Variants in GEMIN4 observed in about 807,000 individuals in gnomAD.
The protein encoded by GEMIN4 is gem nuclear organelle associated protein 4.
Under a neutral mutation model 76.8 loss-of-function variants are expected in GEMIN4, and 59 were observed. The observed-to-expected ratio is 0.77, with a 90% CI of 0.62 to 0.95. The LOEUF (loss-of-function observed/expected upper bound fraction) is 0.95, where lower values mean the gene tolerates loss of function less well. GEMIN4 is among the 40% of genes least tolerant of loss of function. The probability of loss-of-function intolerance (pLI) is 0.00; values close to 1 mark genes in which losing one functional copy is unlikely to be tolerated. For missense variants in GEMIN4, 1,311 were observed against 1,318.9 expected, an observed-to-expected ratio of 0.99 and a Z score of 0.09; for synonymous variants, 562 against 559.7, an observed-to-expected ratio of 1.00 and a Z score of -0.06.
At chr17:754,175 A>G (rs992542091), upstream of GEMIN4, 1 of 152,184 alleles carries the variant, frequency 6.6e-6, no homozygotes, top group African/African-American at 2.4e-5. Flanking sequence ...CAATATGCAT[A>G]TGGATGTCTA....
chr17:750,931 G>C (rs1193582384), intron 1 of GEMIN4, among the ~76,000 whole-genome samples: 1 of 152,158 alleles, frequency 6.6e-6, no homozygotes, highest in Non-Finnish European at 1.5e-5. Context: ...CTCTCCCAGG[G>C]TCCCAAAATA....
Position 745,776 on chromosome 17 carries a change from A to C in GEMIN4, c.2267T>G (p.Leu756Arg), listed in dbSNP as rs1237058103. The C allele has an allele frequency of 8.7e-6, 14 of 1,611,854 alleles. No homozygotes were observed. Among genetic ancestry groups the C allele is most frequent in the Non-Finnish European group, 1.2e-5 (14 of 1,179,168 alleles). ...TTCTAACTTGCGGTGGAGCCAGGAC[A>C]GGGACTTGATCCAGACATCCGGGGA... ...TFSPDVWIKS[L>R]SWLHRKLEQL... is the part of the protein sequence containing the mutation. Residue 756 changes from leucine to arginine, a missense_variant, in exon 2 of 2, where the codon CTG becomes CGG. Transcript: ENST00000319004. The surrounding 1 kb of genome is among the most constrained non-coding windows in gnomAD (Gnocchi z 4.6).
chr17:747,403 G>GT lies in GEMIN4; in HGVS notation c.639_640insA (p.Pro214ThrfsTer32). ...CCGCGGAGCAGCATGGCCAACAGGGGCATGGTGGGGCACGCGTCTGGGTCT... is the reference window on the plus strand; with the variant it reads ...CCGCGGAGCAGCATGGCCAACAGGGGTCATGGTGGGGCACGCGTCTGGGTCT... On this transcript the variant is annotated frameshift_variant, in exon 2 of 2. Coordinates refer to ENST00000319004, the MANE Select transcript of GEMIN4 (RefSeq NM_015721.3). LOFTEE classifies it high-confidence loss of function. 6.2e-7 allele frequency: 1 copy of GT among 1,613,860 alleles called. No individual in the cohort carries two copies. The highest frequency in any genetic ancestry group is 8.5e-7 in the Non-Finnish European group (1 of 1,179,882).
At position 746,906 on chromosome 17, in the gene GEMIN4, C is replaced by T; in HGVS notation, c.1137G>A (p.Leu379=). 6.2e-7 allele frequency: 1 copy of T among 1,613,754 alleles called. No individual in the cohort carries two copies. The highest frequency in any genetic ancestry group is 8.5e-7 in the Non-Finnish European group (1 of 1,179,794). The change falls in exon 2 of 2, where the codon CTG becomes CTA. Residue 379 remains leucine, a synonymous_variant. Transcript: ENST00000319004. The surrounding 1 kb of genome is among the most constrained non-coding windows in gnomAD (Gnocchi z 4.3). ...TCAGGAAGTCCCTGACACACTCCGC[C>T]AGCTCAGAGACCACCTGCCTGTCCT... ...SKEDRQVVSE[L]AECVRDFLRK... is the part of the protein sequence containing the mutation.
At chr17:753,214 CGAA>C (rs1209598378), upstream of GEMIN4, 2 of 58,710 alleles carry the variant, frequency 3.4e-5, no homozygotes, top group Non-Finnish European at 6.9e-5. Context: ...GAGGAGCTGA[CGAA>C]GAAGGAAGTG....
In GEMIN4 at chr17:747,956, C is replaced by T. The variant is rs745934174; in HGVS notation, c.87G>A (p.Lys29=). ...FLLAEQLFHP[K]ALAELTKSDW... is the part of the protein sequence containing the mutation. ...CAGACTTTGTTAATTCTGCCAGTGC[C>T]TTAGGGTGGAACAGCTGCTCGGCCA... The change falls in exon 2 of 2, where the codon AAG becomes AAA. Residue 29 remains lysine, a synonymous_variant. Coordinates refer to ENST00000319004, the MANE Select transcript of GEMIN4 (RefSeq NM_015721.3). The T allele has an allele frequency of 4.3e-5, 69 of 1,613,242 alleles. No individual in the cohort carries two copies. Among genetic ancestry groups the T allele is most frequent in the Non-Finnish European group, 5.8e-5 (68 of 1,179,736 alleles).
At chr17:748,836 C>A (rs760198121) in intron 1 of GEMIN4, 384 of 131,902 alleles carry the variant, frequency 2.9e-3, no homozygotes, top group East Asian at 7.3e-3. Context: ...ATGGGCACAG[C>A]AGCAATCACA....
In GEMIN4 at chr17:747,918, A is replaced by T; in HGVS notation, c.125T>A (p.Val42Asp). Residue 42 changes from valine to aspartate, a missense_variant, in exon 2 of 2, where the codon GTT (valine) becomes GAT (aspartate). Around this residue, in one of 2 missense-constraint regions of GEMIN4, gnomAD observed 103 missense variants for 152.0 expected, o/e 0.68. Coordinates refer to ENST00000319004, the MANE Select transcript of GEMIN4 (RefSeq NM_015721.3). ...AELTKSDWER[V>D]GRPIVEALRE... ...TAAGGCCTCCACGATGGGCCGTCCA[A>T]CACGTTCCCAGTCAGACTTTGTTAA... 1 of 1,613,924 alleles carries T rather than the reference A, an allele frequency of 6.2e-7. No individual in the cohort carries two copies.
chr17:746,208 C>T lies in GEMIN4; in HGVS notation c.1835G>A (p.Trp612Ter). Residue 612 changes from tryptophan (W) to a stop codon, truncating the protein, a stop_gained, in exon 2 of 2, where the codon TGG becomes TAG. Coordinates refer to ENST00000319004, the MANE Select transcript of GEMIN4 (RefSeq NM_015721.3). LOFTEE classifies it high-confidence loss of function. This position sits in a 1 kb window ranked among gnomAD's most constrained non-coding sequence, Gnocchi z 4.3. ...TTCCTTGGGTGTAGAGAACTTCATC[C>T]AGACGGTTTCTTTGAGGCATGACAC... ...FMVSCLKETVWMKFSTPKEEK... is the reference protein window; with the variant it reads ...FMVSCLKETV 1 of 1,613,820 alleles carries T rather than the reference C, an allele frequency of 6.2e-7. No individual in the cohort carries two copies. The highest frequency in any genetic ancestry group is 8.5e-7 in the Non-Finnish European group (1 of 1,179,888).
In GEMIN4 at chr17:746,371, C is replaced by G; in HGVS notation, c.1672G>C (p.Glu558Gln). The change falls in exon 2 of 2, where the codon GAA (glutamate) becomes CAA (glutamine). Residue 558 changes from glutamate to glutamine, a missense_variant. By Grantham distance (29) the Glu-to-Gln change is conservative. Transcript: ENST00000319004. This position sits in a 1 kb window ranked among gnomAD's most constrained non-coding sequence, Gnocchi z 4.3. ...CTGCACATTTTCTTCACCGTGACTTCCGGGTGCACTATGACCAGGCGGGCC... is the reference window on the plus strand; with the variant it reads ...CTGCACATTTTCTTCACCGTGACTTGCGGGTGCACTATGACCAGGCGGGCC... ...SVARLVIVHP[E>Q]VTVKKMCSLA... 6.2e-7 allele frequency: 1 copy of G among 1,613,854 alleles called. No individual in the cohort carries two copies. Among genetic ancestry groups the G allele is most frequent in the Non-Finnish European group, 8.5e-7 (1 of 1,179,896 alleles).
Position 747,510 on chromosome 17 carries a change from A to G in GEMIN4, c.533T>C (p.Leu178Pro), listed in dbSNP as rs1567779622. The G allele has an allele frequency of 2.5e-6, 4 of 1,613,650 alleles. No homozygotes were observed. Among genetic ancestry groups the G allele is most frequent in the Non-Finnish European group, 3.4e-6 (4 of 1,179,856 alleles). The change falls in exon 2 of 2, where the codon CTG (leucine) becomes CCG (proline). Residue 178 changes from leucine to proline, a missense_variant. This residue lies in a region of GEMIN4 where 1,208 missense variants were observed against 1,166.9 expected (regional missense o/e 1.04). Coordinates refer to ENST00000319004, the MANE Select transcript of GEMIN4 (RefSeq NM_015721.3). ...GGCCATTGCACTAAACTGGGAGAGCAGGGGGTCCTGCGGGTGACCCTTGTG... is the reference window on the plus strand; with the variant it reads ...GGCCATTGCACTAAACTGGGAGAGCGGGGGGTCCTGCGGGTGACCCTTGTG... ...MKHKGHPQDP[L>P]LSQFSAMAHK...
chr17:751,294 G>T (rs936520776), intron 1 of GEMIN4, among the ~76,000 whole-genome samples: 3 of 152,182 alleles, frequency 2.0e-5, no homozygotes, highest in African/African-American at 7.2e-5. Context: ...GGGTGTCCCA[G>T]CCTGAATGTG....
chr17:747,657 A>G lies in GEMIN4; in HGVS notation c.386T>C (p.Leu129Pro), dbSNP rs750529728. 1 of 1,613,986 alleles carries G rather than the reference A, an allele frequency of 6.2e-7. No individual in the cohort carries two copies. The highest frequency in any genetic ancestry group is 8.5e-7 in the Non-Finnish European group (1 of 1,179,880). Residue 129 changes from leucine to proline, a missense_variant, in exon 2 of 2, where the codon CTG (leucine) becomes CCG (proline). Around this residue, in one of 2 missense-constraint regions of GEMIN4, gnomAD observed 1,208 missense variants for 1,166.9 expected, o/e 1.04. Transcript: ENST00000319004. ...LEASGLFIQL[L>P]MALPTTICHA... Reference sequence around the variant, plus strand: ...GCAGATGGTGGTGGGCAGGGCCATCAGGAGCTGGATAAAGAGTCCAGAAGC... The same window carrying G: ...GCAGATGGTGGTGGGCAGGGCCATCGGGAGCTGGATAAAGAGTCCAGAAGC...
chr17:747,277 C>T lies in GEMIN4; in HGVS notation c.766G>A (p.Asp256Asn), dbSNP rs531320666. ...MLTVFALTED[D>N]PQEVSATVYL... Reference sequence around the variant, plus strand: ...ACGGTTGCAGACACCTCCTGGGGGTCGTCCTCTGTCAGCGCAAACACAGTC... The same window carrying T: ...ACGGTTGCAGACACCTCCTGGGGGTTGTCCTCTGTCAGCGCAAACACAGTC... Residue 256 changes from aspartate to asparagine, a missense_variant, in exon 2 of 2, where the codon GAC (aspartate) becomes AAC (asparagine). Around this residue, in one of 2 missense-constraint regions of GEMIN4, gnomAD observed 1,208 missense variants for 1,166.9 expected, o/e 1.04. Transcript: ENST00000319004. The T allele has an allele frequency of 1.1e-5, 18 of 1,613,796 alleles. No individual in the cohort carries two copies. In the South Asian group the frequency reaches 1.2e-4, roughly 11 times the overall value.
At chr17:749,774 G>T in intron 1 of GEMIN4, 1 of 980,872 alleles carries the variant, frequency 1.0e-6, no homozygotes, top group South Asian at 3.9e-5. Context: ...GGGCACAGAA[G>T]GAATCAGACA....
intron 1 of GEMIN4, chr17:748,808 TCA>T (rs1329663565): frequency 1.7e-5 from 3 of 181,092 alleles, no homozygotes; most frequent in African/African-American, 6.3e-5. Context: ...ACAGCAGCAA[TCA>T]CACAGCCACA....
chr17:745,237 A>G lies in GEMIN4; in HGVS notation c.2806T>C (p.Trp936Arg). The change falls in exon 2 of 2, where the codon TGG (tryptophan) becomes CGG (arginine). Residue 936 changes from tryptophan (W) to arginine (R), a missense_variant. This residue lies in a region of GEMIN4 where 1,208 missense variants were observed against 1,166.9 expected (regional missense o/e 1.04). Transcript: ENST00000319004. The surrounding 1 kb of genome is among the most constrained non-coding windows in gnomAD (Gnocchi z 4.6). ...SCRDWLPLEG[W>R]NHVVKLLCGS... is the part of the protein sequence containing the mutation. Reference sequence around the variant, plus strand: ...CAGAGGAGTTTGACCACGTGGTTCCAGCCTTCCAGAGGAAGCCAATCACGA... The same window carrying G: ...CAGAGGAGTTTGACCACGTGGTTCCGGCCTTCCAGAGGAAGCCAATCACGA... 6.2e-7 allele frequency: 1 copy of G among 1,610,316 alleles called. No homozygotes were observed. The highest frequency in any genetic ancestry group is 1.1e-5 in the South Asian group (1 of 90,544).
Position 747,150 on chromosome 17 carries a change from C to T in GEMIN4, c.893G>A (p.Arg298Gln), listed in dbSNP as rs764663586. The T allele has an allele frequency of 1.9e-5, 31 of 1,613,700 alleles. No individual in the cohort carries two copies. The highest frequency in any genetic ancestry group is 1.3e-4 in the African/African-American group (10 of 74,918). Residue 298 changes from arginine to glutamine, a missense_variant, in exon 2 of 2, where the codon CGG becomes CAG. This residue lies in a region of GEMIN4 where 1,208 missense variants were observed against 1,166.9 expected (regional missense o/e 1.04). Coordinates refer to ENST00000319004, the MANE Select transcript of GEMIN4 (RefSeq NM_015721.3). Reference sequence around the variant, plus strand: ...GGCCAGCGAGGTCAGGCTGACATCCCGTTCTGCCTCCTTCACCTTCTCTGC... The same window carrying T: ...GGCCAGCGAGGTCAGGCTGACATCCTGTTCTGCCTCCTTCACCTTCTCTGC... ...ALAEKVKEAE[R>Q]DVSLTSLAKL...
intron 1 of GEMIN4, 63 bp downstream of exon 1, chr17:752,070 G>T (rs759650356): frequency 6.3e-5 from 70 of 1,112,062 alleles, no homozygotes; most frequent in Non-Finnish European, 7.6e-5. Context: ...ACGCGACGGG[G>T]CAGCACCGCT....
Sources: allele counts gnomAD v4.1 joint callset (sites outside exome capture counted in the v4.1 genomes callset), GRCh38; gene constraint gnomAD v4.1.1; regional missense constraint gnomAD v4.1.1; non-coding constraint Gnocchi (gnomAD v3.1); transcripts MANE v1.5; gene names NCBI Gene and HGNC (gene_info 2026-07-23, HGNC 2026-07-21).